CACNA2D1: variants seen among roughly 807,000 people sequenced by gnomAD.
CACNA2D1 encodes voltage-dependent calcium channel subunit alpha-2/delta-1.
CACNA2D1 carries 53 observed loss-of-function variants against 171.5 expected under a neutral mutation model. That is an observed-to-expected ratio of 0.31 (90% CI 0.25 to 0.39). CACNA2D1 has a LOEUF of 0.39. Ranked by LOEUF, CACNA2D1 falls within the 10% of genes least tolerant of loss-of-function variation. CACNA2D1 has a pLI of 1.00. For missense variants in CACNA2D1, 903 were observed against 1,299.8 expected, an observed-to-expected ratio of 0.69 and a Z score of 4.69; for synonymous variants, 442 against 443.1, an observed-to-expected ratio of 1.00 and a Z score of 0.03.
intron 1 of CACNA2D1, among the ~76,000 whole-genome samples, chr7:82,441,032 A>C (rs1830466325): frequency 6.6e-6 from 1 of 151,852 alleles, no homozygotes; most frequent in African/African-American, 2.4e-5. Context: ...GAAGCATAAT[A>C]ATTTGCCTTT....
intron 1 of CACNA2D1, among the ~76,000 whole-genome samples, chr7:82,395,443 C>T (rs1825665704): frequency 6.6e-6 from 1 of 152,074 alleles, no homozygotes; most frequent in African/African-American, 2.4e-5. Context: ...AATTTTAACG[C>T]TTTGTATTAT....
At chr7:82,298,388 T>C (rs1563329908) in intron 3 of CACNA2D1, among the ~76,000 whole-genome samples, 1 of 152,220 alleles carries the variant, frequency 6.6e-6, no homozygotes, top group Non-Finnish European at 1.5e-5. Context: ...AGCTTATATA[T>C]TTCAGAAACA....
chr7:82,060,200 ATTATATATAT>A lies in CACNA2D1; in HGVS notation c.879+218_879+227del. Among the ~76,000 whole-genome samples, 4 of 9,282 alleles carry A rather than the reference ATTATATATAT, an allele frequency of 4.3e-4. 1 individual carries two copies. In the South Asian group the frequency reaches 0.021, roughly 48 times the overall value. 6.1% of individuals were successfully genotyped at this position (9,282 alleles called of 152,430 possible). A position where few individuals can be genotyped will look rare whatever the true frequency, so the allele number is the denominator to read the frequency against. ...TATAATATATATATATTATATATAT[ATTATATATAT>A]AATATATATATAATATATATATATA... On this transcript the variant is annotated intron_variant, in intron 10 of 38. Transcript: ENST00000356860.
chr7:82,288,845 G>A (rs556528126), intron 3 of CACNA2D1, among the ~76,000 whole-genome samples: 31 of 152,236 alleles, frequency 2.0e-4, no homozygotes, highest in African/African-American at 7.0e-4. Context: ...GAGTTCAGAG[G>A]AAACCTGCAA....
intron 5 of CACNA2D1, among the ~76,000 whole-genome samples, chr7:82,120,035 G>A (rs1303286008): frequency 2.0e-5 from 3 of 152,108 alleles, no homozygotes; most frequent in Non-Finnish European, 4.4e-5. Flanking sequence ...ATTTAAAAAT[G>A]AGCCTGGCAT....
At chr7:82,362,802 G>C (rs1377351099) in intron 1 of CACNA2D1, among the ~76,000 whole-genome samples, 1 of 152,194 alleles carries the variant, frequency 6.6e-6, no homozygotes, top group African/African-American at 2.4e-5. Flanking sequence ...AGAAACTGCA[G>C]AAGAAAACAT....
chr7:82,287,216 A>G (rs1340011139), intron 3 of CACNA2D1, among the ~76,000 whole-genome samples: 1 of 151,930 alleles, frequency 6.6e-6, no homozygotes, highest in Non-Finnish European at 1.5e-5. Flanking sequence ...CAAATATATT[A>G]GCATGTGGTA....
chr7:82,209,984 A>C (rs1490252518), intron 3 of CACNA2D1, among the ~76,000 whole-genome samples: 1 of 152,204 alleles, frequency 6.6e-6, no homozygotes. Context: ...AATAAAGCAA[A>C]TGTCACTATG....
chr7:82,267,294 T>G (rs1163663986), intron 3 of CACNA2D1, among the ~76,000 whole-genome samples: 2 of 152,206 alleles, frequency 1.3e-5, no homozygotes, highest in Admixed American at 6.5e-5. Context: ...TAAAATCCCT[T>G]TACTTACATT....
chr7:82,259,687 C>G (rs1209755666), intron 3 of CACNA2D1, among the ~76,000 whole-genome samples: 3 of 152,168 alleles, frequency 2.0e-5, no homozygotes, highest in African/African-American at 7.2e-5. Flanking sequence ...GTCACATGCT[C>G]ATGCTGACAT....
intron 2 of CACNA2D1, chr7:82,342,927 T>C (rs1818840547): frequency 6.6e-6 from 1 of 152,188 alleles, no homozygotes; most frequent in Non-Finnish European, 1.5e-5. Context: ...ACTAGTAAAC[T>C]ACCTAGCTCA....
chr7:82,162,533 C>A (rs1795054255), intron 4 of CACNA2D1, among the ~76,000 whole-genome samples: 3 of 151,896 alleles, frequency 2.0e-5, no homozygotes, highest in African/African-American at 4.8e-5. Context: ...TATAGCATTT[C>A]TTTAATATGT....
chr7:82,430,013 T>G (rs1829536554), intron 1 of CACNA2D1, among the ~76,000 whole-genome samples: 1 of 152,150 alleles, frequency 6.6e-6, no homozygotes, highest in Non-Finnish European at 1.5e-5. Context: ...TTAAGTCAAT[T>G]CTAATAAAAT....
chr7:82,149,680 G>A (rs533297787), intron 4 of CACNA2D1, among the ~76,000 whole-genome samples: 1 of 151,842 alleles, frequency 6.6e-6, no homozygotes, highest in Admixed American at 6.6e-5. Flanking sequence ...TGTAATCCCA[G>A]CACTTTGGGA....
intron 3 of CACNA2D1, among the ~76,000 whole-genome samples, chr7:82,322,193 A>AGCTTAATC (rs552880485): frequency 5.9e-4 from 89 of 150,660 alleles, no homozygotes; most frequent in Non-Finnish European, 1.0e-3. Flanking sequence ...CAATTGTGGA[A>AGCTTAATC]GCTTAATCAC....
chr7:82,083,958 A>G (rs1255478648), intron 7 of CACNA2D1, among the ~76,000 whole-genome samples: 1 of 152,176 alleles, frequency 6.6e-6, no homozygotes, highest in Admixed American at 6.5e-5. Flanking sequence ...TACTGTAGCA[A>G]TTTAAAGCCA....
chr7:82,212,047 A>G (rs1800615068), intron 3 of CACNA2D1, among the ~76,000 whole-genome samples: 1 of 152,110 alleles, frequency 6.6e-6, no homozygotes, highest in Non-Finnish European at 1.5e-5. Context: ...GTGTCTGTTC[A>G]TGCCCTTTGC....
At position 82,088,131 on chromosome 7, in the gene CACNA2D1, G is replaced by A. The variant is rs528516037; in HGVS notation, c.527-3231C>T. On this transcript the variant is annotated intron_variant, in intron 6 of 38. Transcript: ENST00000356860. Reference sequence around the variant, plus strand: ...GTTTTTAACTATTCTGGTTACAACCGGGTAAGTCAAGTGCTTTTTAAAGTT... The same window carrying A: ...GTTTTTAACTATTCTGGTTACAACCAGGTAAGTCAAGTGCTTTTTAAAGTT... Among the ~76,000 whole-genome samples, 82 of 152,042 alleles carry A rather than the reference G, an allele frequency of 5.4e-4. 1 individual carries two copies. Among genetic ancestry groups the A allele is most frequent in the Non-Finnish European group, 1.0e-3 (70 of 67,962 alleles).
chr7:82,187,669 A>G (rs997312416), intron 3 of CACNA2D1, among the ~76,000 whole-genome samples: 1 of 152,228 alleles, frequency 6.6e-6, no homozygotes, highest in Non-Finnish European at 1.5e-5. Context: ...CAATTAAATC[A>G]GTCAATGCAG....
Sources: gnomAD v4.1 joint callset for allele counts (sites outside exome capture counted in the v4.1 genomes callset) on GRCh38, gnomAD v4.1.1 for gene constraint, MANE v1.5 for transcripts, NCBI Gene and HGNC (gene_info 2026-07-23, HGNC 2026-07-21) for gene names.